Variants in XPC observed in about 807,000 individuals in gnomAD.
XPC encodes XPC complex subunit, DNA damage recognition and repair factor.
A neutral mutation model predicts 95.8 loss-of-function variants in XPC; 76 were observed. The observed-to-expected ratio is 0.79, with a 90% CI of 0.66 to 0.96. The LOEUF (loss-of-function observed/expected upper bound fraction) is 0.96, where lower values mean the gene tolerates loss of function less well. XPC is among the 40% of genes least tolerant of loss of function. The probability of loss-of-function intolerance (pLI) is 0.00; values close to 1 mark genes in which losing one functional copy is unlikely to be tolerated. For synonymous variants in XPC, 442 were observed against 442.1 expected (o/e 1.00, Z 0.00); for missense variants, 1,146 against 1,179.8 (o/e 0.97, Z 0.42).
intron 15 of XPC, 62 bp downstream of exon 15, chr3:14,147,228 T>G: frequency 6.5e-7 from 1 of 1,529,896 alleles, no homozygotes; most frequent in Non-Finnish European, 8.9e-7. Context: ...CAGGCCTTTC[T>G]GAGCTGCATC....
At chr3:14,164,599 A>G (rs1005807900) in intron 7 of XPC, 1 of 499,496 alleles carries the variant, frequency 2.0e-6, no homozygotes. Flanking sequence ...CCCTCCACTC[A>G]GACTCTGATC....
intron 13 of XPC, chr3:14,148,296 G>GT: frequency 1.7e-6 from 1 of 593,462 alleles, no homozygotes; most frequent in East Asian, 2.9e-5. Context: ...GATGCTGACT[G>GT]TTTTTTGCTC....
rs2125009750 is a variant in XPC at position 14,148,690 on chromosome 3, G to A, written c.2292C>T (p.Pro764=). The A allele has an allele frequency of 1.2e-6, 2 of 1,614,034 alleles. No homozygotes were observed. Among genetic ancestry groups the A allele is most frequent in the Non-Finnish European group, 1.7e-6 (2 of 1,179,896 alleles). Residue 764 remains proline (P), a synonymous_variant, in exon 13 of 16, where the codon CCC becomes CCT. Transcript: ENST00000285021. Reference sequence around the variant, plus strand: ...GGACACAGCCAATAGGCATCATGCTGGGCAGGAAGAGGTACACATTCCCAA... The same window carrying A: ...GGACACAGCCAATAGGCATCATGCTAGGCAGGAAGAGGTACACATTCCCAA... ...NEFGNVYLFL[P]SMMPIGCVQL... is the part of the protein sequence containing the mutation.
intron 7 of XPC, among the ~76,000 whole-genome samples, chr3:14,160,987 A>G (rs1041815056): frequency 7.2e-5 from 11 of 152,246 alleles, no homozygotes; most frequent in African/African-American, 2.7e-4. Flanking sequence ...CTACCCAAGC[A>G]TACACAGTCA....
Position 14,168,352 on chromosome 3 carries a change from C to T in XPC, c.441G>A (p.Val147=). 6.2e-7 allele frequency: 1 copy of T among 1,613,958 alleles called. No individual in the cohort carries two copies. The highest frequency in any genetic ancestry group is 1.3e-5 in the African/African-American group (1 of 75,044). The change falls in exon 4 of 16, where the codon GTG becomes GTA. Residue 147 remains valine, a synonymous_variant. Transcript: ENST00000285021. ...ATCGAGAGAAGGCTGTACTTTCTCT[C>T]ACGTCACCCAGCACAGGCTCACTAA... ...EELSEPVLGD[V]RESTAFSRSL...
At chr3:14,148,044 T>G (rs1436741812) in intron 13 of XPC, 43 bp from the exon 14 acceptor site, 1 of 1,500,948 alleles carries the variant, frequency 6.7e-7, no homozygotes, top group Non-Finnish European at 9.0e-7. Context: ...ACCTGCTGCC[T>G]GCTCTGCCTC....
chr3:14,169,537 G>C (rs992657610), intron 3 of XPC, among the ~76,000 whole-genome samples: 3 of 152,220 alleles, frequency 2.0e-5, no homozygotes, highest in African/African-American at 7.2e-5. Flanking sequence ...GTGACATAAA[G>C]ACCAAATACA....
chr3:14,148,678 A>G lies in XPC; in HGVS notation c.2304T>C (p.Pro768=). 1 of 1,614,032 alleles carries G rather than the reference A, an allele frequency of 6.2e-7. No individual in the cohort carries two copies. Among genetic ancestry groups the G allele is most frequent in the South Asian group, 1.1e-5 (1 of 91,084 alleles). ...NVYLFLPSMM[P]IGCVQLNLPN... is the part of the protein sequence containing the mutation. ...GCAGGTTCAGCTGGACACAGCCAAT[A>G]GGCATCATGCTGGGCAGGAAGAGGT... is the stretch of plus-strand genomic sequence containing the variant. Residue 768 remains proline, a synonymous_variant, in exon 13 of 16, where the codon CCT becomes CCC. Transcript: ENST00000285021.
At chr3:14,175,393 T>G (rs777088873) in intron 1 of XPC, among the ~76,000 whole-genome samples, 1 of 152,182 alleles carries the variant, frequency 6.6e-6, no homozygotes, top group Non-Finnish European at 1.5e-5. Context: ...CAAATAAGTT[T>G]TATCACAGCA....
chr3:14,176,332 C>A (rs559495910), intron 1 of XPC, among the ~76,000 whole-genome samples: 1 of 152,356 alleles, frequency 6.6e-6, no homozygotes, highest in East Asian at 1.9e-4. Flanking sequence ...TACCAACCAT[C>A]CTTTAAATCA....
rs1315050415 is a variant in XPC at position 14,158,244 on chromosome 3, A to C, written c.1639T>G (p.Cys547Gly). The change falls in exon 9 of 16, where the codon TGT becomes GGT. Residue 547 changes from cysteine to glycine, a missense_variant. Coordinates refer to ENST00000285021, the MANE Select transcript of XPC (RefSeq NM_004628.5). The surrounding 1 kb of genome is among the most constrained non-coding windows in gnomAD (Gnocchi z 5.2). ...GGCTGGCCCACCACACCGTGCACACAGTCTACACATACCCACTTTTCCTCC... is the reference window on the plus strand; with the variant it reads ...GGCTGGCCCACCACACCGTGCACACCGTCTACACATACCCACTTTTCCTCC... Reference protein sequence around the residue: ...EQEEKWVCVDCVHGVVGQPLT... With the variant: ...EQEEKWVCVDGVHGVVGQPLT... 1.4e-5 allele frequency: 22 copies of C among 1,613,832 alleles called. No homozygotes were observed. Among genetic ancestry groups the C allele is most frequent in the Non-Finnish European group, 1.8e-5 (21 of 1,179,886 alleles).
rs574481024 is a variant in XPC at position 14,145,543 on chromosome 3, C to T, written c.*398G>A. The T allele has an allele frequency of 1.4e-5, 10 of 698,010 alleles. No individual in the cohort carries two copies. Among genetic ancestry groups the T allele is most frequent in the African/African-American group, 5.2e-5 (3 of 57,276 alleles). 43.2% of individuals were successfully genotyped at this position (698,010 alleles called of 1,614,324 possible). ...AGATGAAGACTCTAACTGGAAGAAA[C>T]GATCAGCGCATTCACGGATGCACCA... On this transcript the variant is annotated 3_prime_UTR_variant, in exon 16 of 16. Transcript: ENST00000285021.
intron 7 of XPC, among the ~76,000 whole-genome samples, chr3:14,163,931 C>T (rs1220364302): frequency 6.6e-6 from 1 of 152,202 alleles, no homozygotes. Context: ...CACCTGTAAT[C>T]CCAGCTACTC....
At chr3:14,175,334 G>C (rs979496801) in intron 1 of XPC, among the ~76,000 whole-genome samples, 1 of 152,102 alleles carries the variant, frequency 6.6e-6, no homozygotes, top group African/African-American at 2.4e-5. Flanking sequence ...CCCCATATAA[G>C]TTTGAGGGTT....
In XPC at chr3:14,171,591, G is replaced by A. The variant is rs546618053; in HGVS notation, c.300-1041C>T. On this transcript the variant is annotated intron_variant, in intron 2 of 15. Coordinates refer to ENST00000285021, the MANE Select transcript of XPC (RefSeq NM_004628.5). ...CAGGCGCAATGGCTCACGCCTGTAAGCCCAGCACTTTGGGAGGCTGAGCAG... is the reference window on the plus strand; with the variant it reads ...CAGGCGCAATGGCTCACGCCTGTAAACCCAGCACTTTGGGAGGCTGAGCAG... Among the ~76,000 whole-genome samples the A allele has an allele frequency of 2.1e-3, 320 of 152,294 alleles. 4 individuals are homozygous for A. The highest frequency in any genetic ancestry group is 7.2e-3 in the African/African-American group (301 of 41,564).
chr3:14,162,334 A>G (rs1574966522), intron 7 of XPC, among the ~76,000 whole-genome samples: 1 of 152,256 alleles, frequency 6.6e-6, no homozygotes. Context: ...ACCAAAGCAC[A>G]CTGTAAATGA....
At chr3:14,172,814 A>T in intron 2 of XPC, 53 bp downstream of exon 2, 1 of 1,568,616 alleles carries the variant, frequency 6.4e-7, no homozygotes, top group Non-Finnish European at 8.7e-7. Flanking sequence ...ATTATTCACA[A>T]TTCTCTGATG....
chr3:14,178,017 T>A (rs1446822352), intron 1 of XPC, among the ~76,000 whole-genome samples: 1 of 152,168 alleles, frequency 6.6e-6, no homozygotes, highest in Admixed American at 6.5e-5. Flanking sequence ...ATGACAAATG[T>A]AAGAAGCCTA....
intron 6 of XPC, 76 bp downstream of exon 6, chr3:14,165,352 G>A: frequency 6.7e-7 from 1 of 1,483,750 alleles, no homozygotes; most frequent in Non-Finnish European, 9.0e-7. Flanking sequence ...GTCTGTGGAA[G>A]TGACCTGAAC....
Sources: gnomAD v4.1 joint callset for allele counts (sites outside exome capture counted in the v4.1 genomes callset) on GRCh38, gnomAD v4.1.1 for gene constraint, Gnocchi (gnomAD v3.1) non-coding constraint, MANE v1.5 for transcripts, NCBI Gene and HGNC (gene_info 2026-07-23, HGNC 2026-07-21) for gene names.